The following TNIP3 variants were observed in gnomAD, a reference collection of about 807,000 sequenced individuals.
TNIP3 encodes TNFAIP3-interacting protein 3.
A neutral mutation model predicts 54.1 loss-of-function variants in TNIP3; 34 were observed. The ratio of observed to expected loss-of-function variants is 0.63; its 90% CI spans 0.48 to 0.84. The LOEUF is 0.84. TNIP3 is among the 40% of genes least tolerant of loss of function. The pLI is 0.00. For missense variants in TNIP3, 366 were observed against 387.6 expected (o/e 0.94, Z 0.47); for synonymous variants, 134 against 136.8 (o/e 0.98, Z 0.14).
At chr4:121,183,645 G>A (rs1239839734) in intron 2 of TNIP3, among the ~76,000 whole-genome samples, 1 of 152,172 alleles carries the variant, frequency 6.6e-6, no homozygotes, top group East Asian at 1.9e-4. Context: ...TCCACCTCCT[G>A]TCAAACCAGC....
intron 3 of TNIP3, among the ~76,000 whole-genome samples, chr4:121,177,346 A>G (rs1724419049): frequency 1.3e-5 from 2 of 151,950 alleles, no homozygotes; most frequent in African/African-American, 4.8e-5. Flanking sequence ...TACTTCTTCA[A>G]CTCTCCCAGA....
At chr4:121,224,837 C>T (rs991731103) in intron 1 of TNIP3, among the ~76,000 whole-genome samples, 1 of 151,706 alleles carries the variant, frequency 6.6e-6, no homozygotes, top group Non-Finnish European at 1.5e-5. Context: ...TTTTGAACAC[C>T]TTTCTAAGTA....
chr4:121,134,016 C>G (rs1453306382), intron 10 of TNIP3, among the ~76,000 whole-genome samples: 2 of 151,970 alleles, frequency 1.3e-5, no homozygotes, highest in African/African-American at 4.8e-5. Context: ...AAAAGTTTTT[C>G]TATTTTAAGC....
intron 6 of TNIP3, among the ~76,000 whole-genome samples, chr4:121,149,441 A>C (rs1025645389): frequency 6.6e-6 from 1 of 152,210 alleles, no homozygotes; most frequent in African/African-American, 2.4e-5. Context: ...TTTTCTGAAA[A>C]AGTCCAGAGT....
chr4:121,158,857 G>A, intron 2 of TNIP3, 105 bp from the exon 3 acceptor site: 1 of 835,598 alleles, frequency 1.2e-6, no homozygotes, highest in Non-Finnish European at 1.9e-6. Flanking sequence ...TAGAAGCCAT[G>A]GATGAAGACA....
intron 1 of TNIP3, among the ~76,000 whole-genome samples, chr4:121,162,806 A>C (rs1395964871): frequency 6.6e-6 from 1 of 152,136 alleles, no homozygotes; most frequent in Non-Finnish European, 1.5e-5. Flanking sequence ...GGTAATTTTG[A>C]TTCATACTAA....
chr4:121,134,787 G>A lies in TNIP3; in HGVS notation c.947-2125C>T, dbSNP rs565944374. On this transcript the variant is annotated intron_variant, in intron 10 of 10. Coordinates refer to ENST00000057513, the MANE Select transcript of TNIP3 (RefSeq NM_024873.6). ...CCTTCACTGATGTCCCCATCTTATA[G>A]AGGACTCTGCTCTAGCCCTCCTCCA... Among the ~76,000 whole-genome samples the A allele has an allele frequency of 2.0e-5, 3 of 152,230 alleles. No homozygotes were observed. In the South Asian group the frequency reaches 6.2e-4, roughly 32 times the overall value.
chr4:121,196,565 T>A (rs183057582), intron 2 of TNIP3, among the ~76,000 whole-genome samples: 74 of 152,256 alleles, frequency 4.9e-4, no homozygotes, highest in African/African-American at 1.7e-3. Context: ...ACATTTTTTT[T>A]AATGGAATTA....
At chr4:121,163,504 C>T (rs1231158998) in intron 1 of TNIP3, among the ~76,000 whole-genome samples, 1 of 152,142 alleles carries the variant, frequency 6.6e-6, no homozygotes, top group Non-Finnish European at 1.5e-5. Flanking sequence ...CATCTGGGCA[C>T]TTCTTTCTCT....
chr4:121,208,686 T>A (rs1268165085), intron 2 of TNIP3, among the ~76,000 whole-genome samples: 1 of 152,180 alleles, frequency 6.6e-6, no homozygotes, highest in Non-Finnish European at 1.5e-5. Context: ...GGAGAATCCA[T>A]TGGGCTGTTA....
chr4:121,161,966 A>T (rs1477083056), intron 1 of TNIP3, among the ~76,000 whole-genome samples: 1 of 152,226 alleles, frequency 6.6e-6, no homozygotes, highest in Non-Finnish European at 1.5e-5. Flanking sequence ...GATCCTCTAT[A>T]ATAATTCAAT....
At chr4:121,188,750 A>T (rs1038936063) in intron 2 of TNIP3, among the ~76,000 whole-genome samples, 5 of 152,214 alleles carry the variant, frequency 3.3e-5, no homozygotes, top group African/African-American at 1.2e-4. Context: ...CAGCTCCTCA[A>T]ATGCTCCTGA....
chr4:121,176,827 A>T (rs1435560943), intron 3 of TNIP3, among the ~76,000 whole-genome samples: 1 of 152,174 alleles, frequency 6.6e-6, no homozygotes, highest in African/African-American at 2.4e-5. Context: ...CTCTGAACCA[A>T]CCAAAGAAAT....
chr4:121,165,770 C>G (rs998025544), upstream of TNIP3, among the ~76,000 whole-genome samples: 17 of 151,324 alleles, frequency 1.1e-4, no homozygotes, highest in Admixed American at 5.9e-4. Flanking sequence ...AGGCAAAATC[C>G]AAAAATACAG....
chr4:121,214,531 A>T (rs1579505694), intron 2 of TNIP3, among the ~76,000 whole-genome samples: 1 of 152,322 alleles, frequency 6.6e-6, no homozygotes, highest in Middle Eastern at 3.4e-3. Context: ...GCTTGTGAAT[A>T]TGGAGAGGTG....
intron 2 of TNIP3, among the ~76,000 whole-genome samples, chr4:121,160,476 C>CAAA (rs10672885): frequency 7.9e-4 from 109 of 137,860 alleles, no homozygotes; most frequent in African/African-American, 2.3e-3. Context: ...AACACTGTCT[C>CAAA]AAAAAAAAAA....
chr4:121,224,797 T>A (rs981823688), intron 1 of TNIP3, among the ~76,000 whole-genome samples: 9 of 152,196 alleles, frequency 5.9e-5, no homozygotes, highest in Non-Finnish European at 1.2e-4. Flanking sequence ...TTTCGTAATT[T>A]AAAAAATGTG....
intron 2 of TNIP3, among the ~76,000 whole-genome samples, chr4:121,198,298 A>T (rs984546992): frequency 3.9e-5 from 6 of 152,230 alleles, no homozygotes; most frequent in African/African-American, 1.4e-4. Context: ...CATGACCTTC[A>T]TTGTAAAGAA....
intron 2 of TNIP3, among the ~76,000 whole-genome samples, chr4:121,190,853 T>TAAGCC (rs1393063481): frequency 6.6e-6 from 1 of 152,146 alleles, no homozygotes; most frequent in African/African-American, 2.4e-5. Flanking sequence ...ATGGGTAAGG[T>TAAGCC]AAGCCTGGAA....
Sources: allele counts gnomAD v4.1 joint callset (sites outside exome capture counted in the v4.1 genomes callset), GRCh38; gene constraint gnomAD v4.1.1; transcripts MANE v1.5; gene names NCBI Gene and HGNC (gene_info 2026-07-23, HGNC 2026-07-21).